Variants in PHIP observed in about 807,000 individuals in gnomAD.
PHIP encodes the protein PHIP subunit of CUL4-Ring ligase complex.
In PHIP, 54 loss-of-function variants were observed where a neutral mutation model predicts 236.8. The observed-to-expected ratio is 0.23, with a 90% confidence interval of 0.18 to 0.29. The LOEUF is 0.29. PHIP is among the 10% of genes least tolerant of loss of function. PHIP has a pLI of 1.00. For missense variants in PHIP, 1,370 were observed against 2,190.8 expected (o/e 0.63, Z 7.48); for synonymous variants, 756 against 718.9 (o/e 1.05, Z -0.83).
chr6:78,945,340 C>T lies in PHIP; in HGVS notation c.4788G>A (p.Lys1596=), dbSNP rs1276884602. 3 of 1,613,620 alleles carry T rather than the reference C, an allele frequency of 1.9e-6. No individual in the cohort carries two copies. The highest frequency in any genetic ancestry group is 1.1e-5 in the South Asian group (1 of 91,080). The change falls in exon 39 of 40, where the codon AAG becomes AAA. Residue 1596 remains lysine (K), a synonymous_variant. Coordinates refer to ENST00000275034, the MANE Select transcript of PHIP (RefSeq NM_017934.7). ...KRKMKSSVLP[K]ASTLSKSSAV... ...CTGATGACTTTGAAAGAGTGGACGCCTTTGGGAGTACAGATGACTTCATTT... is the reference window on the plus strand; with the variant it reads ...CTGATGACTTTGAAAGAGTGGACGCTTTTGGGAGTACAGATGACTTCATTT...
intron 31 of PHIP, 103 bp from the exon 32 acceptor site, chr6:78,958,703 C>A: frequency 1.4e-6 from 1 of 733,430 alleles, no homozygotes; most frequent in South Asian, 1.6e-5. Flanking sequence ...CAGTCTAAAC[C>A]AACTGTAAAA....
Position 78,984,932 on chromosome 6 carries a change from C to G in PHIP, c.2537+420G>C, listed in dbSNP as rs145387474. ...AGGAGTTGAAGGAATCCTCACTGGT[C>G]TGGTCAAATAAGGTAGGCATAACAA... On this transcript the variant is annotated intron_variant, in intron 22 of 39. Transcript: ENST00000275034. Among the ~76,000 whole-genome samples the G allele has an allele frequency of 6.4e-4, 97 of 152,254 alleles. 1 individual carries two copies. The South Asian group carries it at 8.1e-3, about 13-fold the overall frequency.
At chr6:79,008,650 G>A (rs933547218) in intron 15 of PHIP, among the ~76,000 whole-genome samples, 2 of 151,896 alleles carry the variant, frequency 1.3e-5, no homozygotes, top group African/African-American at 4.8e-5. Flanking sequence ...TTACTTCTAA[G>A]CCTTCTGCAC....
intron 19 of PHIP, 107 bp from the exon 20 acceptor site, chr6:78,991,092 T>G (rs1368081458): frequency 1.5e-6 from 1 of 674,604 alleles, no homozygotes; most frequent in East Asian, 2.6e-5. Context: ...TGTTTTATTT[T>G]AAGATGGAAG....
chr6:79,035,122 T>A (rs1771865292), intron 7 of PHIP, among the ~76,000 whole-genome samples: 1 of 152,140 alleles, frequency 6.6e-6, no homozygotes, highest in African/African-American at 2.4e-5. Flanking sequence ...ATGAGTTAAC[T>A]GTGCATGCCC....
At chr6:78,990,797 C>T (rs748441679) in intron 20 of PHIP, 71 bp downstream of exon 20, 2 of 773,166 alleles carry the variant, frequency 2.6e-6, no homozygotes, top group Non-Finnish European at 4.2e-6. Flanking sequence ...TGTTAAATTA[C>T]AAAATGGAGC....
intron 39 of PHIP, among the ~76,000 whole-genome samples, chr6:78,942,627 T>A (rs1158823456): frequency 6.6e-6 from 1 of 152,028 alleles, no homozygotes; most frequent in Non-Finnish European, 1.5e-5. Flanking sequence ...TGGGAAAAAA[T>A]GTGGGTGTGG....
intron 7 of PHIP, among the ~76,000 whole-genome samples, chr6:79,035,165 CA>C (rs1265930753): frequency 6.6e-6 from 1 of 152,072 alleles, no homozygotes; most frequent in African/African-American, 2.4e-5. Context: ...TTCCTTCCAC[CA>C]AACACCTACT....
chr6:79,072,174 T>C (rs1028217502), intron 4 of PHIP, among the ~76,000 whole-genome samples: 7 of 152,192 alleles, frequency 4.6e-5, no homozygotes, highest in African/African-American at 1.7e-4. Flanking sequence ...AATAACTGTA[T>C]AGAAGGAGGC....
chr6:78,973,359 C>A lies in PHIP; in HGVS notation c.2890-2471G>T, dbSNP rs529322458. 3.5e-3 allele frequency among the ~76,000 whole-genome samples: 514 copies of A among 147,704 alleles called. 2 individuals are homozygous for A. Among genetic ancestry groups the A allele is most frequent in the African/African-American group, 9.3e-3 (376 of 40,320 alleles). On this transcript the variant is annotated intron_variant, in intron 24 of 39. Transcript: ENST00000275034. ...TTTTGTCACCACCAGGCCTGCCCTA[C>A]AAGAGCTCCTGAAGGAAGCGCTAAA...
rs1331092712 is a variant in PHIP at position 78,976,200 on chromosome 6, G to C, written c.2889+2392C>G. Among the ~76,000 whole-genome samples, 15 of 149,316 alleles carry C rather than the reference G, an allele frequency of 1.0e-4. No individual in the cohort carries two copies. The East Asian group carries it at 1.4e-3, about 14-fold the overall frequency. Reference sequence around the variant, plus strand: ...AGATATAGATCAATGGAACAGAACAGAGCCCTCAGAAATAACGCCGCATAT... The same window carrying C: ...AGATATAGATCAATGGAACAGAACACAGCCCTCAGAAATAACGCCGCATAT... On this transcript the variant is annotated intron_variant, in intron 24 of 39. Coordinates refer to ENST00000275034, the MANE Select transcript of PHIP (RefSeq NM_017934.7).
Position 78,940,614 on chromosome 6 carries a change from G to T in PHIP, c.*79C>A. On this transcript the variant is annotated 3_prime_UTR_variant, in exon 40 of 40. Transcript: ENST00000275034. ...ATTCCCTACTCCACCACAGCAGCAA[G>T]GAAGCAGAAGCCTTAGTTCTACTTA... 1 of 366,904 alleles carries T rather than the reference G, an allele frequency of 2.7e-6. No homozygotes were observed. The highest frequency in any genetic ancestry group is 4.4e-6 in the Non-Finnish European group (1 of 228,128). The allele number at this position is 366,904 out of a possible 1,614,324, so 22.7% of individuals were successfully genotyped here.
intron 24 of PHIP, among the ~76,000 whole-genome samples, chr6:78,973,197 G>C (rs1001339984): frequency 3.3e-5 from 5 of 152,094 alleles, no homozygotes; most frequent in African/African-American, 1.2e-4. Flanking sequence ...AACTCTACAA[G>C]CCAGAAGAGA....
intron 26 of PHIP, 59 bp downstream of exon 26, chr6:78,969,990 A>C: frequency 6.3e-7 from 1 of 1,597,112 alleles, no homozygotes; most frequent in Non-Finnish European, 8.6e-7. Flanking sequence ...AATGTATCTG[A>C]ATCTTGAAAA....
rs545148081 is a variant in PHIP, at chr6:79,068,863, C to T, written c.190-8045G>A. ...TGAAGACCTAGAAGTGCCCTTCTTTCCTCTAGTATATAATTATTATGAAAA... is the reference window on the plus strand; with the variant it reads ...TGAAGACCTAGAAGTGCCCTTCTTTTCTCTAGTATATAATTATTATGAAAA... On this transcript the variant is annotated intron_variant, in intron 4 of 39. Coordinates refer to ENST00000275034, the MANE Select transcript of PHIP (RefSeq NM_017934.7). Among the ~76,000 whole-genome samples, 32 of 152,268 alleles carry T rather than the reference C, an allele frequency of 2.1e-4. 1 individual carries two copies. The highest frequency in any genetic ancestry group is 5.9e-4 in the Admixed American group (9 of 15,302).
chr6:79,075,673 G>A (rs1192814439), intron 4 of PHIP, among the ~76,000 whole-genome samples: 1 of 144,104 alleles, frequency 6.9e-6, no homozygotes, highest in Non-Finnish European at 1.5e-5. Flanking sequence ...TTCCTACGAG[G>A]ATTAGCCATT....
At chr6:79,073,564 A>G (rs982692948) in intron 4 of PHIP, among the ~76,000 whole-genome samples, 1 of 150,318 alleles carries the variant, frequency 6.7e-6, no homozygotes. Flanking sequence ...ATTTAATATG[A>G]TATCTTTTTT....
At chr6:78,947,804 G>A (rs1156865193) in intron 35 of PHIP, 29 bp from the exon 36 acceptor site, 1 of 1,523,348 alleles carries the variant, frequency 6.6e-7, no homozygotes, top group African/African-American at 1.4e-5. Context: ...GTGGTGTTAT[G>A]ATTATTACTA....
chr6:78,979,443 AG>A (rs1405915364), intron 23 of PHIP, among the ~76,000 whole-genome samples: 1 of 152,070 alleles, frequency 6.6e-6, no homozygotes, highest in African/African-American at 2.4e-5. Flanking sequence ...TTTTAATCCT[AG>A]TTATAGTAAG....
Sources: gnomAD v4.1 joint callset for allele counts (sites outside exome capture counted in the v4.1 genomes callset) on GRCh38, gnomAD v4.1.1 for gene constraint, MANE v1.5 for transcripts, NCBI Gene and HGNC (gene_info 2026-07-23, HGNC 2026-07-21) for gene names.